UGGT2: variants seen among roughly 807,000 people sequenced by gnomAD.
UGGT2 encodes the protein UDP-glucose glycoprotein glucosyltransferase 2.
In UGGT2, 180 loss-of-function variants were observed where a neutral mutation model predicts 192.1. The ratio of observed to expected loss-of-function variants is 0.94; its 90% CI spans 0.83 to 1.06. The LOEUF (loss-of-function observed/expected upper bound fraction) is 1.06. Ranked by LOEUF, UGGT2 falls within the 50% of genes least tolerant of loss-of-function variation. UGGT2 has a pLI of 0.00. For synonymous variants in UGGT2, 580 were observed against 591.0 expected (o/e 0.98, Z 0.27); for missense variants, 1,849 against 1,795.7 (o/e 1.03, Z -0.54).
At chr13:95,930,980 C>A (rs561161994) in intron 17 of UGGT2, among the ~76,000 whole-genome samples, 41 of 145,310 alleles carry the variant, frequency 2.8e-4, no homozygotes, top group Non-Finnish European at 6.0e-4. Flanking sequence ...CCTCCCACAG[C>A]ATGGAAAGGG....
At chr13:96,039,785 C>G (rs1594626820) in intron 1 of UGGT2, among the ~76,000 whole-genome samples, 1 of 152,174 alleles carries the variant, frequency 6.6e-6, no homozygotes, top group Non-Finnish European at 1.5e-5. Context: ...ACTGTAGAAA[C>G]CAAGTCAGCC....
At chr13:95,987,331 G>C (rs1247079522) in intron 8 of UGGT2, among the ~76,000 whole-genome samples, 1 of 152,008 alleles carries the variant, frequency 6.6e-6, no homozygotes, top group Non-Finnish European at 1.5e-5. Context: ...TTTCAGTAAT[G>C]TCTACCTAGA....
rs59757283 is a variant in UGGT2 at position 95,924,393 on chromosome 13, C to CTTTTTTTTTTTTTTTTTTTTTT, written c.2295+1265_2295+1286dup. On this transcript the variant is annotated intron_variant, in intron 20 of 38. Transcript: ENST00000376747. ...AATAGATGTAATAGATCCCAAACAGCTTTTTTTTTTTTTTTTTTTTTTTTT... is the reference window on the plus strand; with the variant it reads ...AATAGATGTAATAGATCCCAAACAGCTTTTTTTTTTTTTTTTTTTTTTTTTTTTTTTTTTTTTTTTTTTTTTT... Among the ~76,000 whole-genome samples the CTTTTTTTTTTTTTTTTTTTTTT allele has an allele frequency of 1.0e-3, 64 of 63,362 alleles. 4 individuals are homozygous for CTTTTTTTTTTTTTTTTTTTTTT. Among genetic ancestry groups the CTTTTTTTTTTTTTTTTTTTTTT allele is most frequent in the South Asian group, 1.4e-3 (2 of 1,406 alleles). The allele number at this position is 63,362 out of a possible 152,430, so 41.6% of individuals were successfully genotyped here. A position where few individuals can be genotyped will look rare whatever the true frequency, so the allele number is the denominator to read the frequency against.
intron 36 of UGGT2, among the ~76,000 whole-genome samples, chr13:95,842,051 C>A (rs1214191232): frequency 6.6e-6 from 1 of 152,150 alleles, no homozygotes; most frequent in Non-Finnish European, 1.5e-5. Flanking sequence ...ATATGTGTAA[C>A]CTTATGCCAG....
At chr13:95,871,206 A>T (rs1335241057) in intron 29 of UGGT2, among the ~76,000 whole-genome samples, 4 of 152,216 alleles carry the variant, frequency 2.6e-5, no homozygotes, top group Non-Finnish European at 5.9e-5. Flanking sequence ...GGTAGGGGTA[A>T]AAGGATGCTA....
At chr13:96,044,139 T>C (rs1012843979) in intron 1 of UGGT2, among the ~76,000 whole-genome samples, 11 of 152,120 alleles carry the variant, frequency 7.2e-5, no homozygotes, top group Non-Finnish European at 4.4e-5. Context: ...TCAATAAATT[T>C]AAGAAAACTG....
In UGGT2 at chr13:95,837,214, T is replaced by C. The variant is rs1314764880; in HGVS notation, c.4285-12A>G. On this transcript the variant is annotated splice_polypyrimidine_tract_variant and intron_variant, in intron 36 of 38. Coordinates refer to ENST00000376747, the MANE Select transcript of UGGT2 (RefSeq NM_020121.4). ...TTATTGGGGAGATCCTACAGAAAATTGTGATTTAATCATAGACGTATGAAA... is the reference window on the plus strand; with the variant it reads ...TTATTGGGGAGATCCTACAGAAAATCGTGATTTAATCATAGACGTATGAAA... The C allele has an allele frequency of 5.1e-6, 8 of 1,579,050 alleles. No homozygotes were observed. Among genetic ancestry groups the C allele is most frequent in the Non-Finnish European group, 7.0e-6 (8 of 1,148,300 alleles).
intron 20 of UGGT2, among the ~76,000 whole-genome samples, chr13:95,916,031 C>T (rs188985368): frequency 2.6e-4 from 40 of 152,318 alleles, no homozygotes; most frequent in Non-Finnish European, 4.4e-4. Flanking sequence ...CAACACAGCA[C>T]ACCTGCTCCA....
At chr13:95,824,910 C>T (rs1322146973) in intron 38 of UGGT2, among the ~76,000 whole-genome samples, 2 of 152,036 alleles carry the variant, frequency 1.3e-5, no homozygotes, top group Non-Finnish European at 2.9e-5. Flanking sequence ...ACTATTTCTT[C>T]TAATTGTTCT....
At chr13:95,806,439 A>G (rs80042241) in intron 38 of UGGT2, among the ~76,000 whole-genome samples, 246 of 152,330 alleles carry the variant, frequency 1.6e-3, no homozygotes, top group African/African-American at 5.5e-3. Flanking sequence ...GAAAAACATT[A>G]CATATTTGTT....
At chr13:95,943,027 G>A (rs1163881476) in intron 15 of UGGT2, among the ~76,000 whole-genome samples, 1 of 152,048 alleles carries the variant, frequency 6.6e-6, no homozygotes, top group Non-Finnish European at 1.5e-5. Flanking sequence ...CCCATTTACT[G>A]TAATGTCACT....
At chr13:95,987,956 T>C (rs985700435) in intron 8 of UGGT2, among the ~76,000 whole-genome samples, 5 of 152,076 alleles carry the variant, frequency 3.3e-5, no homozygotes, top group Non-Finnish European at 5.9e-5. Flanking sequence ...GTAACTAATA[T>C]GGGATCAGTA....
chr13:95,950,825 G>A (rs1341568955), intron 12 of UGGT2, among the ~76,000 whole-genome samples: 1 of 152,058 alleles, frequency 6.6e-6, no homozygotes, highest in Non-Finnish European at 1.5e-5. Context: ...ACTGTACGCA[G>A]AAGAGACAGG....
At chr13:96,026,773 G>A (rs1388565316) in intron 2 of UGGT2, among the ~76,000 whole-genome samples, 2 of 148,118 alleles carry the variant, frequency 1.4e-5, no homozygotes, top group African/African-American at 5.0e-5. Flanking sequence ...CCAGGTTCAC[G>A]CCATTCTCCT....
At chr13:95,876,502 A>G (rs1891693425) in intron 29 of UGGT2, among the ~76,000 whole-genome samples, 1 of 152,128 alleles carries the variant, frequency 6.6e-6, no homozygotes, top group African/African-American at 2.4e-5. Flanking sequence ...TTCTGGTACC[A>G]GCATTAAGTT....
intron 16 of UGGT2, among the ~76,000 whole-genome samples, chr13:95,938,055 G>GT (rs2049525731): frequency 6.6e-6 from 1 of 152,306 alleles, no homozygotes; most frequent in Middle Eastern, 3.4e-3. Flanking sequence ...CCCTGCACAA[G>GT]TTCTCTTCTC....
chr13:95,966,861 T>C (rs2050595495), intron 12 of UGGT2, among the ~76,000 whole-genome samples: 1 of 152,224 alleles, frequency 6.6e-6, no homozygotes, highest in Non-Finnish European at 1.5e-5. Flanking sequence ...TCTGATCTTC[T>C]GCCCATATTT....
At chr13:96,004,538 TTTA>T (rs2051909693) in intron 5 of UGGT2, among the ~76,000 whole-genome samples, 1 of 152,068 alleles carries the variant, frequency 6.6e-6, no homozygotes, top group Admixed American at 6.6e-5. Flanking sequence ...TGGTTAATAA[TTTA>T]TTGTTTTAGG....
intron 9 of UGGT2, chr13:95,985,136 C>A: frequency 2.0e-6 from 1 of 506,792 alleles, no homozygotes; most frequent in Non-Finnish European, 3.0e-6. Flanking sequence ...ACTGTCTGAT[C>A]AAGACTAAAG....
Sources: allele counts gnomAD v4.1 joint callset (sites outside exome capture counted in the v4.1 genomes callset), GRCh38; gene constraint gnomAD v4.1.1; transcripts MANE v1.5; gene names NCBI Gene and HGNC (gene_info 2026-07-23, HGNC 2026-07-21).